GZMK: variants seen among roughly 807,000 people sequenced by gnomAD.
GZMK encodes the protein granzyme K.
A neutral mutation model predicts 22.8 loss-of-function variants in GZMK; 18 were observed. That is an observed-to-expected ratio of 0.79 (90% CI 0.54 to 1.17). The LOEUF (loss-of-function observed/expected upper bound fraction) is 1.17. Ranked by LOEUF, GZMK falls within the 50% of genes most tolerant of loss-of-function variation. The pLI, the probability that GZMK is intolerant of heterozygous loss-of-function variation, is 0.00. For synonymous variants in GZMK, 136 were observed against 115.0 expected (o/e 1.18, Z -1.17); for missense variants, 342 against 320.2 (o/e 1.07, Z -0.52).
chr5:55,026,630 T>A lies in GZMK; in HGVS notation c.212+1823T>A, dbSNP rs768119381. Among the ~76,000 whole-genome samples, 13 of 152,156 alleles carry A rather than the reference T, an allele frequency of 8.5e-5. 1 individual carries two copies. Among genetic ancestry groups the A allele is most frequent in the Non-Finnish European group, 1.9e-4 (13 of 68,028 alleles). ...CTTCCCACAAATGTACTCCCCAGTA[T>A]CCTGTGGGAATAGTTTGCCCCAAGC... On this transcript the variant is annotated intron_variant, in intron 2 of 4. Coordinates refer to ENST00000231009, the MANE Select transcript of GZMK (RefSeq NM_002104.3).
At chr5:55,028,333 T>C (rs1046424458) in intron 2 of GZMK, 2 of 152,216 alleles carry the variant, frequency 1.3e-5, no homozygotes, top group African/African-American at 2.4e-5. Flanking sequence ...TTAGTGGGTA[T>C]GTTGAATTTG....
chr5:55,031,554 G>T lies in GZMK; in HGVS notation c.554G>T (p.Ser185Ile). ...VLSRKLCNSQ[S>I]YYNGDPFITK... ...AGTCGAAAACTTTGCAACAGCCAAA[G>T]TTACTACAACGGCGACCCTTTTATC... Residue 185 changes from serine (S) to isoleucine (I), a missense_variant, in exon 4 of 5, where the codon AGT (serine) becomes ATT (isoleucine). Physicochemically the swap from Ser to Ile is moderately radical, Grantham distance 142. Coordinates refer to ENST00000231009, the MANE Select transcript of GZMK (RefSeq NM_002104.3). 2 of 1,614,036 alleles carry T rather than the reference G, an allele frequency of 1.2e-6. No homozygotes were observed. The highest frequency in any genetic ancestry group is 1.7e-6 in the Non-Finnish European group (2 of 1,179,878).
rs116230990 is a variant in GZMK, at chr5:55,026,339, C to T, written c.212+1532C>T. 4.3e-3 allele frequency among the ~76,000 whole-genome samples: 646 copies of T among 151,738 alleles called. 8 individuals are homozygous for T. The highest frequency in any genetic ancestry group is 0.015 in the African/African-American group (604 of 41,312). ...AATTTTGTCAAGTGGATTTAACTCA[C>T]GAGAAGCGGATTCCCAAATTGGGGA... is the stretch of plus-strand genomic sequence containing the variant. On this transcript the variant is annotated intron_variant, in intron 2 of 4. Transcript: ENST00000231009.
chr5:55,030,446 C>T lies in GZMK; in HGVS notation c.225C>T (p.Gly75=). The change falls in exon 3 of 5, where the codon GGC becomes GGT. Residue 75 remains glycine (G), a synonymous_variant. Transcript: ENST00000231009. Reference sequence around the variant, plus strand: ...TTGCTTTTTTTAGGTTTACCAAAGGCCAGTCTCCCACTGTGGTTTTAGGCG... The same window carrying T: ...TTGCTTTTTTTAGGTTTACCAAAGGTCAGTCTCCCACTGTGGTTTTAGGCG... ...AAHCQYRFTK[G]QSPTVVLGAH... is the part of the protein sequence containing the mutation. 3.1e-6 allele frequency: 5 copies of T among 1,612,782 alleles called. No homozygotes were observed. In the South Asian group the frequency reaches 5.5e-5, roughly 18 times the overall value.
rs1741278703 is a variant in GZMK at position 55,033,999 on chromosome 5, G to A, written c.*73G>A. On this transcript the variant is annotated 3_prime_UTR_variant, in exon 5 of 5. Coordinates refer to ENST00000231009, the MANE Select transcript of GZMK (RefSeq NM_002104.3). Reference sequence around the variant, plus strand: ...GCTCGCAGGTTAGAGTTGGGTGTAAGTAAAGCAGAGCACATATGGGGTCCA... The same window carrying A: ...GCTCGCAGGTTAGAGTTGGGTGTAAATAAAGCAGAGCACATATGGGGTCCA... 2.5e-6 allele frequency: 3 copies of A among 1,221,170 alleles called. No individual in the cohort carries two copies. Among genetic ancestry groups the A allele is most frequent in the East Asian group, 4.7e-5 (2 of 42,140 alleles). The allele number at this position is 1,221,170 out of a possible 1,614,324, so 75.6% of individuals were successfully genotyped here.
At chr5:55,026,337 C>T (rs1232815219) in intron 2 of GZMK, among the ~76,000 whole-genome samples, 1 of 151,774 alleles carries the variant, frequency 6.6e-6, no homozygotes, top group African/African-American at 2.4e-5. Context: ...GGATTTAACT[C>T]ACGAGAAGCG....
At chr5:55,027,898 T>C (rs1311666743) in intron 2 of GZMK, among the ~76,000 whole-genome samples, 3 of 152,220 alleles carry the variant, frequency 2.0e-5, no homozygotes, top group Non-Finnish European at 4.4e-5. Context: ...ACTTCCTCTT[T>C]GTGTGAATTC....
At chr5:55,025,514 T>C (rs752051744) in intron 2 of GZMK, among the ~76,000 whole-genome samples, 26 of 152,236 alleles carry the variant, frequency 1.7e-4, no homozygotes, top group Non-Finnish European at 3.4e-4. Context: ...CCTAGGATTC[T>C]CTTACTTCAG....
chr5:55,030,979 C>T (rs1741220056), intron 3 of GZMK, among the ~76,000 whole-genome samples: 1 of 152,218 alleles, frequency 6.6e-6, no homozygotes, highest in Non-Finnish European at 1.5e-5. Context: ...ACAGCTTAGT[C>T]TAGACCACAC....
chr5:55,029,540 GTTTT>G (rs1398907104), intron 2 of GZMK, among the ~76,000 whole-genome samples: 6 of 82,252 alleles, frequency 7.3e-5, no homozygotes, highest in East Asian at 5.1e-4. Context: ...GATCTTTGTG[GTTTT>G]TGTTTGTTTG....
At position 55,031,470 on chromosome 5, in the gene GZMK, C is replaced by T; in HGVS notation, c.470C>T (p.Thr157Ile). 1.2e-6 allele frequency: 2 copies of T among 1,614,128 alleles called. No individual in the cohort carries two copies. Among genetic ancestry groups the T allele is most frequent in the South Asian group, 1.1e-5 (1 of 91,084 alleles). ...TGCAAGGTTACTGGCTGGGGAGCCACCGATCCAGATTCATTAAGACCTTCT... is the reference window on the plus strand; with the variant it reads ...TGCAAGGTTACTGGCTGGGGAGCCATCGATCCAGATTCATTAAGACCTTCT... ...TKCKVTGWGA[T>I]DPDSLRPSDT... The change falls in exon 4 of 5, where the codon ACC becomes ATC. Residue 157 changes from threonine to isoleucine, a missense_variant. By Grantham distance (89) the Thr-to-Ile change is moderately conservative. Coordinates refer to ENST00000231009, the MANE Select transcript of GZMK (RefSeq NM_002104.3).
chr5:55,024,887 T>TGA, intron 2 of GZMK, 80 bp downstream of exon 2: 1 of 863,954 alleles, frequency 1.2e-6, no homozygotes, highest in Non-Finnish European at 1.7e-6. Context: ...CTCTCCTGAA[T>TGA]GAGAATTTGA....
intron 4 of GZMK, 52 bp from the exon 5 acceptor site, chr5:55,033,713 A>G (rs887302611): frequency 6.7e-7 from 1 of 1,497,598 alleles, no homozygotes; most frequent in African/African-American, 1.4e-5. Flanking sequence ...TTAAAAAACA[A>G]AAATATCCCA....
chr5:55,028,264 C>T (rs1741168322), intron 2 of GZMK: 1 of 152,156 alleles, frequency 6.6e-6, no homozygotes, highest in African/African-American at 2.4e-5. Context: ...GCCCACCTTT[C>T]TGTTAGAGCA....
chr5:55,031,533 GA>G lies in GZMK; in HGVS notation c.537del (p.Lys179AsnfsTer40), dbSNP rs1561258806. ...GAAGTCACTGTTACTGTCCTAAGTC[GA>G]AAACTTTGCAACAGCCAAAGTTACT... Reference protein sequence around the residue: ...LREVTVTVLSRKLCNSQSYYN... With the variant: ...LREVTVTVLSXKLCNSQSYYN... On this transcript the variant is annotated frameshift_variant, in exon 4 of 5. Coordinates refer to ENST00000231009, the MANE Select transcript of GZMK (RefSeq NM_002104.3). LOFTEE classifies it high-confidence loss of function. 1.1e-5 allele frequency: 17 copies of G among 1,614,048 alleles called. No homozygotes were observed. Among genetic ancestry groups the G allele is most frequent in the Non-Finnish European group, 1.2e-5 (14 of 1,179,950 alleles).
chr5:55,027,164 C>T (rs1741153507), intron 2 of GZMK, among the ~76,000 whole-genome samples: 1 of 152,200 alleles, frequency 6.6e-6, no homozygotes. Context: ...TCTCACCACG[C>T]TGTTGTGCGG....
At chr5:55,029,817 A>G (rs1858083) in intron 2 of GZMK, among the ~76,000 whole-genome samples, 2,069 of 152,128 alleles carry the variant, frequency 0.014, 149 homozygotes, top group Admixed American at 0.11. Context: ...CAGTCTCCCA[A>G]GTGGCTGGGA....
chr5:55,028,797 C>G (rs1015419457), intron 2 of GZMK, among the ~76,000 whole-genome samples: 4 of 152,200 alleles, frequency 2.6e-5, no homozygotes, highest in Non-Finnish European at 4.4e-5. Flanking sequence ...ATACAAATGG[C>G]TCTACGGTTC....
chr5:55,033,866 G>A lies in GZMK; in HGVS notation c.735G>A (p.Leu245=). ...CCACAAAGCCTGGAATCTACACCCT[G>A]TTAACCAAGAAATACCAGACTTGGA... is the stretch of plus-strand genomic sequence containing the variant. ...GVATKPGIYT[L]LTKKYQTWIK... is the part of the protein sequence containing the mutation. The change falls in exon 5 of 5, where the codon CTG becomes CTA. Residue 245 remains leucine, a synonymous_variant. Coordinates refer to ENST00000231009, the MANE Select transcript of GZMK (RefSeq NM_002104.3). The A allele has an allele frequency of 6.2e-7, 1 of 1,613,746 alleles. No homozygotes were observed. Among genetic ancestry groups the A allele is most frequent in the Non-Finnish European group, 8.5e-7 (1 of 1,179,682 alleles).
Sources: allele counts gnomAD v4.1 joint callset (sites outside exome capture counted in the v4.1 genomes callset), GRCh38; gene constraint gnomAD v4.1.1; transcripts MANE v1.5; gene names NCBI Gene and HGNC (gene_info 2026-07-23, HGNC 2026-07-21).